The following ME3 variants were observed in gnomAD, a reference collection of about 807,000 sequenced individuals.
The protein encoded by ME3 is NADP-dependent malic enzyme, mitochondrial.
Under a neutral mutation model 68.9 loss-of-function variants are expected in ME3, and 48 were observed. The ratio of observed to expected loss-of-function variants is 0.70; its 90% CI spans 0.55 to 0.89. The LOEUF is 0.89. Ranked by LOEUF, ME3 falls within the 40% of genes least tolerant of loss-of-function variation. The pLI is 0.00. For missense variants in ME3, 675 were observed against 797.4 expected (o/e 0.85, Z 1.85); for synonymous variants, 320 against 318.8 (o/e 1.00, Z -0.04).
intron 4 of ME3, among the ~76,000 whole-genome samples, chr11:86,527,095 G>A (rs1174109070): frequency 6.6e-6 from 1 of 152,136 alleles, no homozygotes; most frequent in Non-Finnish European, 1.5e-5. Context: ...CGAACCCATG[G>A]CAAAGAAGTT....
At position 86,594,160 on chromosome 11, in the gene ME3, A is replaced by C. The variant is rs1191235941; in HGVS notation, c.184-34337T>G. On this transcript the variant is annotated intron_variant, in intron 2 of 14. Coordinates refer to ENST00000543262, the Ensembl canonical transcript of ME3. Reference sequence around the variant, plus strand: ...TCAACAGTTTTAAGTATCTGTACGCATACTGTCAAATCACTTTTAGAAAGG... The same window carrying C: ...TCAACAGTTTTAAGTATCTGTACGCCTACTGTCAAATCACTTTTAGAAAGG... Among the ~76,000 whole-genome samples, 4 of 147,022 alleles carry C rather than the reference A, an allele frequency of 2.7e-5. 1 individual carries two copies. The highest frequency in any genetic ancestry group is 7.5e-5 in the African/African-American group (3 of 40,058).
chr11:86,522,492 G>T (rs1176831479), intron 4 of ME3, among the ~76,000 whole-genome samples: 1 of 151,716 alleles, frequency 6.6e-6, no homozygotes, highest in African/African-American at 2.4e-5. Context: ...CATGCATTAG[G>T]TATTTGTCCT....
chr11:86,526,653 C>A (rs1337255869), intron 4 of ME3, among the ~76,000 whole-genome samples: 1 of 152,156 alleles, frequency 6.6e-6, no homozygotes, highest in African/African-American at 2.4e-5. Flanking sequence ...TGGCTGGGTA[C>A]CCCTGTGAGA....
At chr11:86,543,319 G>A (rs917002256) in intron 4 of ME3, among the ~76,000 whole-genome samples, 3 of 152,228 alleles carry the variant, frequency 2.0e-5, no homozygotes, top group African/African-American at 7.2e-5. Context: ...AATCTTCAAT[G>A]TAAATGGGCT....
At chr11:86,485,571 G>A (rs1408965928) in intron 7 of ME3, among the ~76,000 whole-genome samples, 1 of 152,036 alleles carries the variant, frequency 6.6e-6, no homozygotes, top group Non-Finnish European at 1.5e-5. Flanking sequence ...TTTCTTTCCA[G>A]CTTATTCCAC....
intron 2 of ME3, among the ~76,000 whole-genome samples, chr11:86,639,864 A>G (rs1944558930): frequency 6.6e-6 from 1 of 152,222 alleles, no homozygotes. Flanking sequence ...ATTGGGACAC[A>G]GTCTTCCAAC....
intron 2 of ME3, among the ~76,000 whole-genome samples, chr11:86,603,034 A>G (rs1010544152): frequency 1.9e-4 from 29 of 152,238 alleles, no homozygotes; most frequent in African/African-American, 7.0e-4. Flanking sequence ...GGACATAGGC[A>G]TGGGCAAGGA....
intron 7 of ME3, among the ~76,000 whole-genome samples, chr11:86,466,707 C>G (rs1324975893): frequency 6.6e-6 from 1 of 152,184 alleles, no homozygotes. Flanking sequence ...AATATTTGTT[C>G]CTGCCGTGGT....
intron 4 of ME3, among the ~76,000 whole-genome samples, chr11:86,536,808 A>G (rs1249112058): frequency 6.6e-6 from 1 of 152,114 alleles, no homozygotes; most frequent in Non-Finnish European, 1.5e-5. Flanking sequence ...AGGATTATAA[A>G]TCATGCTGCT....
intron 2 of ME3, among the ~76,000 whole-genome samples, chr11:86,595,194 G>T (rs1959205528): frequency 6.9e-6 from 1 of 143,952 alleles, no homozygotes; most frequent in Non-Finnish European, 1.5e-5. Flanking sequence ...TATAAATAAA[G>T]AAATAAAATA....
At chr11:86,641,867 C>T (rs531186601) in intron 2 of ME3, among the ~76,000 whole-genome samples, 1 of 152,212 alleles carries the variant, frequency 6.6e-6, no homozygotes, top group East Asian at 1.9e-4. Flanking sequence ...GCTATTAAAA[C>T]TTCACCTCTT....
At chr11:86,631,272 A>T (rs1463578399) in intron 2 of ME3, among the ~76,000 whole-genome samples, 2 of 152,222 alleles carry the variant, frequency 1.3e-5, no homozygotes, top group African/African-American at 4.8e-5. Flanking sequence ...CAGTGGTCAC[A>T]GTCCCTGTGC....
intron 4 of ME3, among the ~76,000 whole-genome samples, chr11:86,547,115 G>T (rs1451022426): frequency 6.6e-6 from 1 of 151,772 alleles, no homozygotes; most frequent in East Asian, 1.9e-4. Context: ...GTGGGTGCCT[G>T]TAGTCCCAGC....
At chr11:86,577,199 A>C (rs1379245341) in intron 2 of ME3, among the ~76,000 whole-genome samples, 1 of 152,328 alleles carries the variant, frequency 6.6e-6, no homozygotes, top group African/African-American at 2.4e-5. Context: ...CTCAGACAGC[A>C]CTGAGTCCAT....
intron 6 of ME3, among the ~76,000 whole-genome samples, chr11:86,494,564 CAG>C (rs1290456048): frequency 2.6e-5 from 4 of 152,104 alleles, no homozygotes; most frequent in Non-Finnish European, 5.9e-5. Flanking sequence ...TCCTCCTAGA[CAG>C]GGGTACTCTG....
intron 2 of ME3, among the ~76,000 whole-genome samples, chr11:86,639,436 T>G (rs7117234): frequency 0.082 from 12,519 of 152,140 alleles, 672 homozygotes; most frequent in East Asian, 0.16. Context: ...AGGATAAACA[T>G]CTCCCCCACA....
intron 2 of ME3, among the ~76,000 whole-genome samples, chr11:86,571,108 A>G (rs1049538209): frequency 6.6e-6 from 1 of 152,226 alleles, no homozygotes; most frequent in African/African-American, 2.4e-5. Context: ...CAATTTGGCA[A>G]TTGCACTTCA....
At chr11:86,558,553 C>A (rs1482423056) in intron 3 of ME3, among the ~76,000 whole-genome samples, 1 of 152,092 alleles carries the variant, frequency 6.6e-6, no homozygotes. Context: ...TGCAGGGTGA[C>A]CCTGGCATGC....
intron 2 of ME3, among the ~76,000 whole-genome samples, chr11:86,577,235 A>G (rs1458321057): frequency 6.6e-6 from 1 of 152,166 alleles, no homozygotes; most frequent in Non-Finnish European, 1.5e-5. Flanking sequence ...TGCCAAAGAG[A>G]TTGCACAGAT....
Sources: gnomAD v4.1 joint callset for allele counts (sites outside exome capture counted in the v4.1 genomes callset) on GRCh38, gnomAD v4.1.1 for gene constraint, MANE v1.5 for transcripts, NCBI Gene and HGNC (gene_info 2026-07-23, HGNC 2026-07-21) for gene names.